ZFHX3: variants seen among roughly 807,000 people sequenced by gnomAD.
The protein encoded by ZFHX3 is zinc finger homeobox protein 3.
A neutral mutation model predicts 279.1 loss-of-function variants in ZFHX3; 42 were observed. That is an observed-to-expected ratio of 0.15 (90% CI 0.12 to 0.19). ZFHX3 has a LOEUF of 0.19. Among genes scored for constraint, ZFHX3 ranks in the 10% least tolerant of loss-of-function variants. The pLI, the probability that ZFHX3 is intolerant of heterozygous loss-of-function variation, is 1.00. For synonymous variants in ZFHX3, 2,293 were observed against 1,957.8 expected (o/e 1.17, Z -4.52); for missense variants, 4,981 against 4,754.0 (o/e 1.05, Z -1.40).
chr16:73,642,098 CGAGGACATCAG>C (rs924355256), intron 2 of ZFHX3, among the ~76,000 whole-genome samples: 1 of 152,112 alleles, frequency 6.6e-6, no homozygotes, highest in African/African-American at 2.4e-5. Context: ...TCCGTGGCCT[CGAGGACATCAG>C]GTCACATTGG....
intron 1 of ZFHX3, among the ~76,000 whole-genome samples, chr16:73,694,183 C>T (rs2053174340): frequency 6.6e-6 from 1 of 151,836 alleles, no homozygotes; most frequent in African/African-American, 2.4e-5. Flanking sequence ...ATTAGCCAGG[C>T]GTGGTGGCTC....
Position 72,788,737 on chromosome 16 carries a change from G to A in ZFHX3, c.9539C>T (p.Ser3180Phe), listed in dbSNP as rs1458185495. 1.3e-6 allele frequency: 2 copies of A among 1,596,132 alleles called. No homozygotes were observed. The highest frequency in any genetic ancestry group is 1.7e-6 in the Non-Finnish European group (2 of 1,171,840). ...PNKPSSASLSSPTPAQATMAM... is the reference protein window; with the variant it reads ...PNKPSSASLSFPTPAQATMAM... ...CATCGTGGCTTGTGCTGGGGTTGGG[G>A]AGCTCAGCGACGCTGAGGACGGTTT... The change falls in exon 10 of 10, where the codon TCC becomes TTC. Residue 3180 changes from serine to phenylalanine, a missense_variant. Ser to Phe is a radical substitution (Grantham distance 155, BLOSUM62 -2). Transcript: ENST00000268489.
chr16:73,453,185 G>C (rs1307602727), intron 3 of ZFHX3, among the ~76,000 whole-genome samples: 1 of 152,206 alleles, frequency 6.6e-6, no homozygotes, highest in Non-Finnish European at 1.5e-5. Flanking sequence ...TTGAATTACT[G>C]GGTTGTCGGT....
At chr16:73,702,042 T>C (rs964175546) in intron 1 of ZFHX3, among the ~76,000 whole-genome samples, 3 of 152,126 alleles carry the variant, frequency 2.0e-5, no homozygotes, top group Admixed American at 2.0e-4. Context: ...CTTCAAACCA[T>C]GGTTAGAAAT....
At chr16:73,084,779 C>T (rs936308140) in intron 8 of ZFHX3, among the ~76,000 whole-genome samples, 1 of 152,056 alleles carries the variant, frequency 6.6e-6, no homozygotes, top group African/African-American at 2.4e-5. Flanking sequence ...CTCAGCCTCC[C>T]AAAATGCTGG....
At position 72,788,062 on chromosome 16, in the gene ZFHX3, G is replaced by A; in HGVS notation, c.10214C>T (p.Pro3405Leu). 1.2e-6 allele frequency: 2 copies of A among 1,611,926 alleles called. No individual in the cohort carries two copies. The highest frequency in any genetic ancestry group is 1.1e-5 in the South Asian group (1 of 91,066). ...GTCTTTGTCTGGGGAAGGAGCCCCG[G>A]GGGGGACTGGGGTTTGGCTTGCTTT... ...QPKASQTPVP[P>L]GAPSPDKDPA... is the part of the protein sequence containing the mutation. Residue 3405 changes from proline (P) to leucine (L), a missense_variant, in exon 10 of 10, where the codon CCC (proline) becomes CTC (leucine). Physicochemically the swap from Pro to Leu is moderately conservative, Grantham distance 98 (BLOSUM62 -3). Transcript: ENST00000268489.
chr16:73,609,651 G>GGAAGGAAAGGAGGGAGGGAGGGAA (rs1417307894), intron 2 of ZFHX3: 65 of 152,144 alleles, frequency 4.3e-4, no homozygotes, highest in African/African-American at 1.5e-3. Flanking sequence ...ATGGATGGAA[G>GGAAGGAAAGGAGGGAGGGAGGGAA]GAAGGAAAGG....
chr16:72,828,468 T>A (rs2036985973), intron 5 of ZFHX3, among the ~76,000 whole-genome samples: 1 of 152,222 alleles, frequency 6.6e-6, no homozygotes, highest in African/African-American at 2.4e-5. Context: ...AACACCAGTT[T>A]TTCCAGAAAT....
At chr16:73,749,555 T>TA (rs1384467114) in intron 1 of ZFHX3, among the ~76,000 whole-genome samples, 2 of 152,222 alleles carry the variant, frequency 1.3e-5, no homozygotes, top group East Asian at 1.9e-4. Context: ...ATGAAGTATT[T>TA]AAAAAACCCC....
intron 1 of ZFHX3, among the ~76,000 whole-genome samples, chr16:73,031,716 C>T (rs1363577246): frequency 6.6e-6 from 1 of 152,164 alleles, no homozygotes; most frequent in East Asian, 1.9e-4. Flanking sequence ...AATGCATGAA[C>T]CAGAACGCGG....
rs144552929 is a variant in ZFHX3, at chr16:73,297,022, C to T, written c.-1194+21218G>A. 4.1e-3 allele frequency among the ~76,000 whole-genome samples: 609 copies of T among 150,106 alleles called. 13 individuals carry two copies. The highest frequency in any genetic ancestry group is 0.037 in the East Asian group (191 of 5,160). On this transcript the variant is annotated intron_variant, in intron 4 of 17. Transcript: ENST00000641206. ...CCTCCCTAGTAGCTGGGACTACAGG[C>T]GCCCACCACCCTGCCCGGCTAATTT...
At chr16:73,106,980 G>T (rs1026537755) in intron 7 of ZFHX3, among the ~76,000 whole-genome samples, 1 of 152,174 alleles carries the variant, frequency 6.6e-6, no homozygotes, top group Non-Finnish European at 1.5e-5. Flanking sequence ...TGAGTCACTT[G>T]TAATACCAAA....
chr16:72,834,370 C>T (rs1025502582), intron 4 of ZFHX3, among the ~76,000 whole-genome samples: 3 of 152,248 alleles, frequency 2.0e-5, no homozygotes, highest in African/African-American at 7.2e-5. Flanking sequence ...GGCTTCCTGA[C>T]TAAGTGCAGA....
intron 3 of ZFHX3, among the ~76,000 whole-genome samples, chr16:72,930,980 C>A (rs1423038377): frequency 1.3e-5 from 2 of 152,186 alleles, no homozygotes; most frequent in Non-Finnish European, 2.9e-5. Flanking sequence ...TGCATTTCTT[C>A]ATTTGTGTTC....
intron 5 of ZFHX3, among the ~76,000 whole-genome samples, chr16:73,145,023 C>T (rs1347109756): frequency 1.3e-5 from 2 of 152,176 alleles, no homozygotes; most frequent in African/African-American, 4.8e-5. Context: ...ACGTCTTTTC[C>T]ATTAAGGAGC....
At chr16:73,624,290 C>A (rs2052395285) in intron 2 of ZFHX3, among the ~76,000 whole-genome samples, 1 of 152,108 alleles carries the variant, frequency 6.6e-6, no homozygotes, top group South Asian at 2.1e-4. Context: ...GTTTCAAATG[C>A]ACCAATGTTT....
At chr16:73,503,252 T>G (rs1206864681) in intron 2 of ZFHX3, among the ~76,000 whole-genome samples, 5 of 152,368 alleles carry the variant, frequency 3.3e-5, no homozygotes, top group Non-Finnish European at 7.3e-5. Context: ...TGTCACATTG[T>G]AACATCTATA....
intron 2 of ZFHX3, among the ~76,000 whole-genome samples, chr16:73,620,897 G>A (rs74030138): frequency 1.4e-4 from 22 of 152,300 alleles, no homozygotes; most frequent in African/African-American, 5.3e-4. Context: ...TGAGAGAAAA[G>A]GACCAGATCT....
chr16:73,550,232 A>G (rs1405832736), intron 2 of ZFHX3, among the ~76,000 whole-genome samples: 1 of 152,124 alleles, frequency 6.6e-6, no homozygotes, highest in Non-Finnish European at 1.5e-5. Flanking sequence ...GCAAACGGGT[A>G]TTGGCGTCCA....
Sources: allele counts gnomAD v4.1 joint callset (sites outside exome capture counted in the v4.1 genomes callset), GRCh38; gene constraint gnomAD v4.1.1; transcripts MANE v1.5; gene names NCBI Gene and HGNC (gene_info 2026-07-23, HGNC 2026-07-21).